Variants in CAMLG observed in about 807,000 individuals in gnomAD.
CAMLG encodes the protein guided entry of tail-anchored proteins factor CAMLG.
In CAMLG, 23 loss-of-function variants were observed where a neutral mutation model predicts 28.9. The observed-to-expected ratio is 0.80, with a 90% CI of 0.57 to 1.13. The LOEUF (loss-of-function observed/expected upper bound fraction) is 1.13, where lower values mean the gene tolerates loss of function less well. CAMLG is among the 50% of genes most tolerant of loss of function. The pLI is 0.00. For synonymous variants in CAMLG, 141 were observed against 146.5 expected, an observed-to-expected ratio of 0.96 and a Z score of 0.27; for missense variants, 367 against 371.9, an observed-to-expected ratio of 0.99 and a Z score of 0.11.
intron 1 of CAMLG, among the ~76,000 whole-genome samples, chr5:134,740,507 C>G (rs1402467007): frequency 1.3e-5 from 2 of 152,180 alleles, no homozygotes; most frequent in Non-Finnish European, 2.9e-5. Context: ...CTAATCTTAT[C>G]TCCTACCCAC....
rs533354204 is a variant in CAMLG, at chr5:134,741,904, G to A, written c.633+381G>A. On this transcript the variant is annotated intron_variant, in intron 2 of 3. Transcript: ENST00000297156. ...GAGGTTGCAGTGAGCCAGGATAACG[G>A]CACTGCACTCCAGCCTGGGTGACAG... Among the ~76,000 whole-genome samples the A allele has an allele frequency of 1.2e-4, 18 of 152,200 alleles. 1 individual carries two copies. Among genetic ancestry groups the A allele is most frequent in the Middle Eastern group, 6.8e-3 (2 of 294 alleles).
At chr5:134,746,842 CT>C (rs1461691999) in intron 3 of CAMLG, among the ~76,000 whole-genome samples, 1 of 151,630 alleles carries the variant, frequency 6.6e-6, no homozygotes, top group Non-Finnish European at 1.5e-5. Context: ...AATCCCAGCA[CT>C]TTGGAAGGCC....
chr5:134,750,212 A>C (rs2150122679), intron 3 of CAMLG, among the ~76,000 whole-genome samples: 1 of 152,180 alleles, frequency 6.6e-6, no homozygotes, highest in African/African-American at 2.4e-5. Flanking sequence ...TATTTATGTC[A>C]TACTTCCAAG....
intron 3 of CAMLG, among the ~76,000 whole-genome samples, chr5:134,747,329 C>A (rs558658414): frequency 6.6e-6 from 1 of 151,950 alleles, no homozygotes; most frequent in Admixed American, 6.6e-5. Flanking sequence ...CACTGACTTA[C>A]AATTTACTGT....
In CAMLG at chr5:134,741,209, G is replaced by C; in HGVS notation, c.319G>C (p.Gly107Arg). ...DQQGGVAEVK[G>R]TQLGDKLDSF... ...GCAGGGTGGTGTGGCCGAGGTAAAG[G>C]GGACCCAACTGGGAGACAAATTGGA... The change falls in exon 2 of 4, where the codon GGG becomes CGG. Residue 107 changes from glycine (G) to arginine (R), a missense_variant. Gly to Arg is a moderately radical substitution (Grantham distance 125, BLOSUM62 -2). Coordinates refer to ENST00000297156, the MANE Select transcript of CAMLG (RefSeq NM_001745.4). 3 of 1,614,152 alleles carry C rather than the reference G, an allele frequency of 1.9e-6. No homozygotes were observed. Among genetic ancestry groups the C allele is most frequent in the Non-Finnish European group, 2.5e-6 (3 of 1,180,032 alleles).
chr5:134,742,190 A>T (rs1431425171), intron 2 of CAMLG, among the ~76,000 whole-genome samples: 1 of 152,112 alleles, frequency 6.6e-6, no homozygotes, highest in African/African-American at 2.4e-5. Context: ...TCCTCTGCTG[A>T]TACTGAGGGA....
intron 3 of CAMLG, among the ~76,000 whole-genome samples, chr5:134,747,320 A>G (rs1282863035): frequency 6.6e-6 from 1 of 151,882 alleles, no homozygotes; most frequent in African/African-American, 2.4e-5. Flanking sequence ...CTTACATAAC[A>G]CTGACTTACA....
chr5:134,746,632 A>G (rs1247023241), intron 3 of CAMLG, among the ~76,000 whole-genome samples: 1 of 151,980 alleles, frequency 6.6e-6, no homozygotes, highest in Admixed American at 6.6e-5. Context: ...GTGAGTGACC[A>G]CACCCACTTA....
chr5:134,749,983 G>T (rs1228354742), intron 3 of CAMLG, among the ~76,000 whole-genome samples: 1 of 152,200 alleles, frequency 6.6e-6, no homozygotes, highest in Non-Finnish European at 1.5e-5. Context: ...GGGATTAGAG[G>T]CATGAGCCAC....
intron 3 of CAMLG, among the ~76,000 whole-genome samples, chr5:134,747,405 G>A (rs1241955799): frequency 6.6e-6 from 1 of 151,788 alleles, no homozygotes; most frequent in African/African-American, 2.4e-5. Flanking sequence ...AGGCTGGAGT[G>A]CCATCTCGGC....
At chr5:134,738,863 C>A in intron 1 of CAMLG, 71 bp downstream of exon 1, 1 of 1,438,468 alleles carries the variant, frequency 7.0e-7, no homozygotes, top group Non-Finnish European at 9.7e-7. Flanking sequence ...TTCCCTCTCC[C>A]ACCTCCACTC....
chr5:134,746,282 C>T (rs760752636), intron 3 of CAMLG, among the ~76,000 whole-genome samples: 1 of 151,356 alleles, frequency 6.6e-6, no homozygotes, highest in Admixed American at 6.6e-5. Flanking sequence ...ATACTAATTT[C>T]TTTTTGAAAA....
In CAMLG at chr5:134,751,188, A is replaced by C; in HGVS notation, c.*238A>C. The C allele has an allele frequency of 2.7e-6, 1 of 367,224 alleles. No homozygotes were observed. The highest frequency in any genetic ancestry group is 2.0e-5 in the African/African-American group (1 of 48,946). The allele number at this position is 367,224 out of a possible 1,614,324, so 22.7% of individuals were successfully genotyped here. A position where few individuals can be genotyped will look rare whatever the true frequency, so the allele number is the denominator to read the frequency against. ...TGTCATTAATTGATTTTTCTTGTTAATCAGAATTCCTATTCTGTACCTTTC... is the reference window on the plus strand; with the variant it reads ...TGTCATTAATTGATTTTTCTTGTTACTCAGAATTCCTATTCTGTACCTTTC... On this transcript the variant is annotated 3_prime_UTR_variant, in exon 4 of 4. Transcript: ENST00000297156.
Position 134,738,665 on chromosome 5 carries a change from G to T in CAMLG, c.45G>T (p.Gly15=). The T allele has an allele frequency of 6.2e-7, 1 of 1,613,468 alleles. No homozygotes were observed. The highest frequency in any genetic ancestry group is 1.1e-5 in the South Asian group (1 of 91,058). The stretch of plus-strand genomic sequence containing the variant: ...CTACCGACGGCGGGGAGAGGCCGGG[G>T]GTCCCAGCGGGCTCAGGTCTGTCGG... ...AVATDGGERP[G]VPAGSGLSAS... Residue 15 remains glycine (G), a synonymous_variant, in exon 1 of 4, where the codon GGG becomes GGT. Coordinates refer to ENST00000297156, the MANE Select transcript of CAMLG (RefSeq NM_001745.4).
chr5:134,748,961 G>A (rs913199097), intron 3 of CAMLG, among the ~76,000 whole-genome samples: 3 of 151,736 alleles, frequency 2.0e-5, no homozygotes, highest in African/African-American at 7.3e-5. Flanking sequence ...TCCTATAGAT[G>A]GACATCCTGG....
chr5:134,744,653 CTT>C (rs2150121514), intron 3 of CAMLG, among the ~76,000 whole-genome samples: 1 of 151,754 alleles, frequency 6.6e-6, no homozygotes, highest in East Asian at 1.9e-4. Context: ...GTGAATAGTA[CTT>C]GTTTAAGCAA....
At chr5:134,744,427 G>A (rs1484343151) in intron 3 of CAMLG, among the ~76,000 whole-genome samples, 1 of 151,666 alleles carries the variant, frequency 6.6e-6, no homozygotes, top group African/African-American at 2.4e-5. Context: ...AGGAGGCTGA[G>A]GCAGGAGAGT....
Position 134,750,925 on chromosome 5 carries a change from A to T in CAMLG, c.866A>T (p.Asp289Val). ...TTTATCTTTTGTCATGAACTGCTTG[A>T]TTATTGGGGCTCTGAAGTACCATGA... ...FTFIFCHELL[D>V]YWGSEVP The change falls in exon 4 of 4, where the codon GAT becomes GTT. Residue 289 changes from aspartate to valine, a missense_variant. Physicochemically the swap from Asp to Val is radical, Grantham distance 152 (BLOSUM62 -3). Transcript: ENST00000297156. The T allele has an allele frequency of 3.7e-6, 6 of 1,613,512 alleles. No homozygotes were observed. Among genetic ancestry groups the T allele is most frequent in the Non-Finnish European group, 3.4e-6 (4 of 1,179,750 alleles).
intron 1 of CAMLG, among the ~76,000 whole-genome samples, chr5:134,739,838 A>G (rs987021611): frequency 2.6e-5 from 4 of 152,102 alleles, no homozygotes; most frequent in African/African-American, 9.7e-5. Context: ...GGTACTTTCT[A>G]TATTTTGTTC....
Sources: gnomAD v4.1 joint callset for allele counts (sites outside exome capture counted in the v4.1 genomes callset) on GRCh38, gnomAD v4.1.1 for gene constraint, MANE v1.5 for transcripts, NCBI Gene and HGNC (gene_info 2026-07-23, HGNC 2026-07-21) for gene names.